MAGI2: variants seen among roughly 807,000 people sequenced by gnomAD.
MAGI2 encodes the protein membrane-associated guanylate kinase, WW and PDZ domain-containing protein 2.
A neutral mutation model predicts 133.3 loss-of-function variants in MAGI2; 35 were observed. That is an observed-to-expected ratio of 0.26 (90% CI 0.20 to 0.35). The LOEUF (loss-of-function observed/expected upper bound fraction) is 0.35. Ranked by LOEUF, MAGI2 falls within the 10% of genes least tolerant of loss-of-function variation. MAGI2 has a pLI of 1.00. For missense variants in MAGI2, 1,636 were observed against 1,863.4 expected (o/e 0.88, Z 2.25); for synonymous variants, 729 against 710.6 (o/e 1.03, Z -0.41).
At chr7:78,699,585 C>T (rs535496620) in intron 2 of MAGI2, among the ~76,000 whole-genome samples, 1 of 152,092 alleles carries the variant, frequency 6.6e-6, no homozygotes, top group Non-Finnish European at 1.5e-5. Flanking sequence ...TCAAATACTT[C>T]TAGGCCCAAG....
chr7:78,263,219 T>C (rs562810551), intron 9 of MAGI2, among the ~76,000 whole-genome samples: 17 of 152,314 alleles, frequency 1.1e-4, no homozygotes, highest in African/African-American at 4.1e-4. Context: ...CAATCCACCA[T>C]TGGTAGGCAC....
At chr7:79,223,454 C>A (rs762395442) in intron 1 of MAGI2, among the ~76,000 whole-genome samples, 5 of 151,970 alleles carry the variant, frequency 3.3e-5, no homozygotes, top group Non-Finnish European at 5.9e-5. Flanking sequence ...CAGAAATACT[C>A]TAGAGACATT....
At chr7:78,973,908 G>T (rs546445898) in intron 2 of MAGI2, among the ~76,000 whole-genome samples, 1 of 151,678 alleles carries the variant, frequency 6.6e-6, no homozygotes, top group African/African-American at 2.4e-5. Context: ...TCTAAGTTGC[G>T]CATCTGGAGT....
intron 3 of MAGI2, among the ~76,000 whole-genome samples, chr7:78,551,742 TTTTG>T (rs951689419): frequency 4.0e-4 from 61 of 152,202 alleles, no homozygotes; most frequent in African/African-American, 1.3e-3. Context: ...GTTTGCATTG[TTTTG>T]TTTGTTTGTT....
chr7:79,446,870 T>A lies in MAGI2; in HGVS notation c.301+6150A>T, dbSNP rs906438327. Among the ~76,000 whole-genome samples the A allele has an allele frequency of 8.5e-5, 13 of 152,154 alleles. No homozygotes were observed. In the East Asian group the frequency reaches 2.3e-3, roughly 27 times the overall value. Reference sequence around the variant, plus strand: ...AGGAGGCTGAGGCAGGAGAATGGCGTGAACCCGGGAGGCGGAGATTGCAGT... The same window carrying A: ...AGGAGGCTGAGGCAGGAGAATGGCGAGAACCCGGGAGGCGGAGATTGCAGT... On this transcript the variant is annotated intron_variant, in intron 1 of 21. Transcript: ENST00000354212.
At chr7:79,007,357 T>C in intron 1 of MAGI2, 151 bp from the exon 2 acceptor site, 1 of 567,468 alleles carries the variant, frequency 1.8e-6, no homozygotes, top group Non-Finnish European at 3.1e-6. Context: ...ACTGCCACAA[T>C]GATAACAGAG....
chr7:79,218,345 T>G (rs1282473727), intron 1 of MAGI2, among the ~76,000 whole-genome samples: 1 of 152,080 alleles, frequency 6.6e-6, no homozygotes, highest in Non-Finnish European at 1.5e-5. Context: ...CTGCACGTAT[T>G]ACATAACATT....
intron 1 of MAGI2, among the ~76,000 whole-genome samples, chr7:79,206,073 A>C (rs1337077551): frequency 6.6e-6 from 1 of 151,762 alleles, no homozygotes; most frequent in African/African-American, 2.4e-5. Flanking sequence ...AGATACAGCA[A>C]AAGCAGATAT....
chr7:79,208,569 A>G (rs1337284228), intron 1 of MAGI2, among the ~76,000 whole-genome samples: 1 of 152,016 alleles, frequency 6.6e-6, no homozygotes, highest in African/African-American at 2.4e-5. Flanking sequence ...GAATCCTTGT[A>G]CACTGCTGGT....
intron 1 of MAGI2, among the ~76,000 whole-genome samples, chr7:79,194,666 G>A (rs910424873): frequency 6.6e-6 from 1 of 151,706 alleles, no homozygotes; most frequent in African/African-American, 2.4e-5. Context: ...TAATAAAAAA[G>A]TAAGCATTTC....
intron 9 of MAGI2, among the ~76,000 whole-genome samples, chr7:78,315,088 T>A (rs1787271031): frequency 6.6e-6 from 1 of 152,318 alleles, no homozygotes; most frequent in Non-Finnish European, 1.5e-5. Context: ...TGAGACCTAC[T>A]GTCACATTTT....
chr7:78,727,171 G>A (rs547765041), intron 2 of MAGI2, among the ~76,000 whole-genome samples: 7 of 152,272 alleles, frequency 4.6e-5, no homozygotes, highest in Non-Finnish European at 8.8e-5. Context: ...AAAAGCAATG[G>A]AAGTAGACAC....
At chr7:79,117,807 A>T (rs1359522096) in intron 1 of MAGI2, among the ~76,000 whole-genome samples, 3 of 152,194 alleles carry the variant, frequency 2.0e-5, no homozygotes, top group Non-Finnish European at 4.4e-5. Context: ...ATTTAACAAT[A>T]CTATAATGTA....
chr7:78,291,836 CGATTATCTCAATAGATGCGGAA>C (rs935316629), intron 9 of MAGI2, among the ~76,000 whole-genome samples: 2 of 79,780 alleles, frequency 2.5e-5, no homozygotes, highest in African/African-American at 5.3e-5. Flanking sequence ...AAAAACCATA[CGATTATCTCAATAGATGCGGAA>C]AAGGCCTTCA....
At chr7:79,261,828 T>C (rs1834114988) in intron 1 of MAGI2, among the ~76,000 whole-genome samples, 1 of 152,188 alleles carries the variant, frequency 6.6e-6, no homozygotes, top group Non-Finnish European at 1.5e-5. Context: ...CTGCACCATT[T>C]ATTGTCTAAA....
At chr7:78,785,986 C>T (rs1190225960) in intron 2 of MAGI2, among the ~76,000 whole-genome samples, 1 of 152,054 alleles carries the variant, frequency 6.6e-6, no homozygotes, top group Non-Finnish European at 1.5e-5. Context: ...GATAGTGAAG[C>T]AGGCTGGGAG....
chr7:78,716,004 C>T (rs899863560), intron 2 of MAGI2, among the ~76,000 whole-genome samples: 1 of 152,138 alleles, frequency 6.6e-6, no homozygotes, highest in East Asian at 1.9e-4. Context: ...CCAAATTGCC[C>T]TTCACGTGGT....
chr7:78,843,409 A>T (rs1323961539), intron 2 of MAGI2, among the ~76,000 whole-genome samples: 1 of 151,888 alleles, frequency 6.6e-6, no homozygotes, highest in Non-Finnish European at 1.5e-5. Flanking sequence ...GGTTTTGTTG[A>T]ATTCACTGGT....
At chr7:78,918,815 A>T (rs1304495075) in intron 2 of MAGI2, among the ~76,000 whole-genome samples, 1 of 152,148 alleles carries the variant, frequency 6.6e-6, no homozygotes, top group Non-Finnish European at 1.5e-5. Flanking sequence ...ATTGCATATA[A>T]GTTTAAACAT....
Sources: gnomAD v4.1 joint callset for allele counts (sites outside exome capture counted in the v4.1 genomes callset) on GRCh38, gnomAD v4.1.1 for gene constraint, MANE v1.5 for transcripts, NCBI Gene and HGNC (gene_info 2026-07-23, HGNC 2026-07-21) for gene names.